Variants in PLEKHM2 observed in about 807,000 individuals in gnomAD.
PLEKHM2 encodes pleckstrin homology domain-containing family M member 2.
A neutral mutation model predicts 116.3 loss-of-function variants in PLEKHM2; 77 were observed. The ratio of observed to expected loss-of-function variants is 0.66; its 90% confidence interval spans 0.55 to 0.80. The LOEUF is 0.80. Ranked by LOEUF, PLEKHM2 falls within the 30% of genes least tolerant of loss-of-function variation. The probability of loss-of-function intolerance (pLI) is 0.00; values close to 1 mark genes in which losing one functional copy is unlikely to be tolerated. For synonymous variants in PLEKHM2, 562 were observed against 571.0 expected (o/e 0.98, Z 0.22); for missense variants, 1,183 against 1,354.9 (o/e 0.87, Z 1.99).
chr1:15,717,530 G>A (rs1447356983), intron 3 of PLEKHM2, among the ~76,000 whole-genome samples: 1 of 152,220 alleles, frequency 6.6e-6, no homozygotes, highest in Non-Finnish European at 1.5e-5. Flanking sequence ...GAAAGAGGGC[G>A]AGCTGCCAGC....
rs1249746368 is a variant in PLEKHM2, at chr1:15,698,541, C to CTTT, written c.60+13924_60+13926dup. ...TGTTTTTCTTTCTTTTTCTTTCTTT[C>CTTT]TTTCTTTCTTTTTTTTTTTTTTTTT... On this transcript the variant is annotated intron_variant, in intron 1 of 19. Coordinates refer to ENST00000375799, the MANE Select transcript of PLEKHM2 (RefSeq NM_015164.4). Among the ~76,000 whole-genome samples, 786 of 138,690 alleles carry CTTT rather than the reference C, an allele frequency of 5.7e-3. 19 individuals are homozygous for CTTT. Among genetic ancestry groups the CTTT allele is most frequent in the African/African-American group, 0.022 (737 of 34,054 alleles). 91.0% of individuals were successfully genotyped at this position (138,690 alleles called of 152,430 possible).
chr1:15,725,069 A>T (rs1238132163), intron 7 of PLEKHM2, among the ~76,000 whole-genome samples: 1 of 152,156 alleles, frequency 6.6e-6, no homozygotes. Flanking sequence ...ACACAAACTC[A>T]GCCAAATTGT....
At position 15,730,730 on chromosome 1, in the gene PLEKHM2, C is replaced by A; in HGVS notation, c.2399+8C>A. The A allele has an allele frequency of 1.3e-6, 2 of 1,586,134 alleles. No individual in the cohort carries two copies. The highest frequency in any genetic ancestry group is 1.7e-6 in the Non-Finnish European group (2 of 1,166,600). ...GTGCTTCGTGGTGCTCAGGTGGGAG[C>A]CCTGGCAGCTCTAGGCCTGGGGCTT... On this transcript the variant is annotated splice_region_variant and intron_variant, in intron 15 of 19. Coordinates refer to ENST00000375799, the MANE Select transcript of PLEKHM2 (RefSeq NM_015164.4).
At position 15,732,437 on chromosome 1, in the gene PLEKHM2, T is replaced by G. The variant is rs372585673; in HGVS notation, c.2713T>G (p.Cys905Gly). 1 of 1,591,174 alleles carries G rather than the reference T, an allele frequency of 6.3e-7. No homozygotes were observed. The highest frequency in any genetic ancestry group is 8.6e-7 in the Non-Finnish European group (1 of 1,169,234). The change falls in exon 18 of 20, where the codon TGC (cysteine) becomes GGC (glycine). Residue 905 changes from cysteine to glycine, a missense_variant. Physicochemically the swap from Cys to Gly is radical, Grantham distance 159. Coordinates refer to ENST00000375799, the MANE Select transcript of PLEKHM2 (RefSeq NM_015164.4). ...CCGCCTCTTTACGTGCCATGAGGAT[T>G]GCCAGACCAGCTTCTTCCGCTCTTT... is the stretch of plus-strand genomic sequence containing the variant. ...DDRLFTCHEDCQTSFFRSLGT... is the reference protein window; with the variant it reads ...DDRLFTCHEDGQTSFFRSLGT...
chr1:15,686,641 C>G (rs575508061), intron 1 of PLEKHM2, among the ~76,000 whole-genome samples: 1 of 136,058 alleles, frequency 7.3e-6, no homozygotes, highest in South Asian at 2.2e-4. Flanking sequence ...CCACCACACC[C>G]GGCTAAATTT....
chr1:15,696,436 C>T (rs761311245), intron 1 of PLEKHM2, among the ~76,000 whole-genome samples: 9 of 152,154 alleles, frequency 5.9e-5, no homozygotes, highest in Admixed American at 2.6e-4. Context: ...CTGCAACCTC[C>T]GTCTCCTGGG....
intron 8 of PLEKHM2, 155 bp downstream of exon 8, chr1:15,725,700 G>C (rs1008179533): frequency 6.5e-6 from 4 of 613,888 alleles, no homozygotes; most frequent in Non-Finnish European, 1.1e-5. Flanking sequence ...GGTTCTTTGA[G>C]CAAGAGGAAG....
chr1:15,719,779 A>G lies in PLEKHM2; in HGVS notation c.511A>G (p.Lys171Glu). The change falls in exon 6 of 20, where the codon AAA becomes GAA. Residue 171 changes from lysine (K) to glutamate (E), a missense_variant. This residue lies in a region of PLEKHM2 where 217 missense variants were observed against 277.6 expected (regional missense o/e 0.78). Coordinates refer to ENST00000375799, the MANE Select transcript of PLEKHM2 (RefSeq NM_015164.4). This position sits in a 1 kb window ranked among gnomAD's most constrained non-coding sequence, Gnocchi z 4.1. ...GGCCCCCTACATGCCCGACTACTAC[A>G]AACCTCAGTACCTGCTGGACTTTGA... is the stretch of plus-strand genomic sequence containing the variant. ...DLAPYMPDYY[K>E]PQYLLDFEDR... is the part of the protein sequence containing the mutation. The G allele has an allele frequency of 6.2e-7, 1 of 1,613,572 alleles. No individual in the cohort carries two copies. Among genetic ancestry groups the G allele is most frequent in the Non-Finnish European group, 8.5e-7 (1 of 1,179,676 alleles).
chr1:15,705,650 C>T (rs1287502339), intron 1 of PLEKHM2, among the ~76,000 whole-genome samples: 1 of 152,166 alleles, frequency 6.6e-6, no homozygotes, highest in Non-Finnish European at 1.5e-5. Context: ...TGCGGCTCTG[C>T]CTTCAGACCC....
In PLEKHM2 at chr1:15,727,279, A is replaced by G. The variant is rs1271733757; in HGVS notation, c.1207A>G (p.Met403Val). 4 of 1,605,784 alleles carry G rather than the reference A, an allele frequency of 2.5e-6. No homozygotes were observed. The highest frequency in any genetic ancestry group is 2.2e-5 in the East Asian group (1 of 44,610). ...LLIPEMKDTS[M>V]ERLGQPLSKV... ...GATCCCTGAGATGAAGGACACCTCC[A>G]TGGAGCGCTTGGGGCAGCCCCTGAG... The change falls in exon 9 of 20, where the codon ATG becomes GTG. Residue 403 changes from methionine to valine, a missense_variant. Coordinates refer to ENST00000375799, the MANE Select transcript of PLEKHM2 (RefSeq NM_015164.4). The surrounding 1 kb of genome is among the most constrained non-coding windows in gnomAD (Gnocchi z 7.5).
chr1:15,695,822 G>A (rs1362640881), intron 1 of PLEKHM2, among the ~76,000 whole-genome samples: 2 of 151,916 alleles, frequency 1.3e-5, no homozygotes, highest in Non-Finnish European at 2.9e-5. Context: ...TGTTTTTTGA[G>A]ACAGGGTCTT....
intron 1 of PLEKHM2, among the ~76,000 whole-genome samples, chr1:15,712,118 CAAA>C (rs1005404755): frequency 7.7e-5 from 4 of 51,678 alleles, no homozygotes; most frequent in East Asian, 7.4e-4. Context: ...GATTCAGTCT[CAAA>C]AAAAAAAAAA....
intron 19 of PLEKHM2, 128 bp from the exon 20 acceptor site, chr1:15,733,669 A>G: frequency 1.0e-6 from 1 of 986,380 alleles, no homozygotes; most frequent in Non-Finnish European, 1.5e-6. Flanking sequence ...AGATGTTCCC[A>G]GGGAGAGATG....
upstream of PLEKHM2, chr1:15,684,209 GC>G (rs1175631153): frequency 1.3e-5 from 2 of 152,002 alleles, no homozygotes; most frequent in African/African-American, 4.9e-5. Context: ...TCTGGGGAGG[GC>G]CGCGGCCAAG....
At chr1:15,682,719 G>C (rs1640674445), upstream of PLEKHM2, among the ~76,000 whole-genome samples, 1 of 152,054 alleles carries the variant, frequency 6.6e-6, no homozygotes. Context: ...GCGACCTTTG[G>C]AGGCTTGTGG....
intron 6 of PLEKHM2, chr1:15,720,389 C>G (rs1344859420): frequency 2.0e-6 from 2 of 985,096 alleles, no homozygotes; most frequent in African/African-American, 3.5e-5. Flanking sequence ...GCCACTGTGT[C>G]CTGTGTGTCC....
chr1:15,688,093 G>A (rs1237352650), intron 1 of PLEKHM2, among the ~76,000 whole-genome samples: 2 of 152,172 alleles, frequency 1.3e-5, no homozygotes, highest in South Asian at 2.1e-4. Flanking sequence ...CCAAGAAACA[G>A]AACATGACCA....
intron 1 of PLEKHM2, among the ~76,000 whole-genome samples, chr1:15,695,684 G>C (rs543542736): frequency 2.0e-5 from 3 of 152,130 alleles, no homozygotes; most frequent in Non-Finnish European, 2.9e-5. Context: ...GCTAATTTTT[G>C]TATTTTTAGT....
rs2148362960 is a variant in PLEKHM2, at chr1:15,721,276, A to G, written c.653-53A>G. The G allele has an allele frequency of 9.3e-7, 1 of 1,073,320 alleles. No homozygotes were observed. Among genetic ancestry groups the G allele is most frequent in the Non-Finnish European group, 1.4e-6 (1 of 721,352 alleles). 66.5% of individuals were successfully genotyped at this position (1,073,320 alleles called of 1,614,324 possible). On this transcript the variant is annotated intron_variant, in intron 6 of 19. Coordinates refer to ENST00000375799, the MANE Select transcript of PLEKHM2 (RefSeq NM_015164.4). This position sits in a 1 kb window ranked among gnomAD's most constrained non-coding sequence, Gnocchi z 5.1. The stretch of plus-strand genomic sequence containing the variant: ...CATTTCCCCTCCCCTCCCTCCAGTC[A>G]TCCTTCCACTGCCTGTGTTTCTAAT...
Sources: allele counts gnomAD v4.1 joint callset (sites outside exome capture counted in the v4.1 genomes callset), GRCh38; gene constraint gnomAD v4.1.1; regional missense constraint gnomAD v4.1.1; non-coding constraint Gnocchi (gnomAD v3.1); transcripts MANE v1.5; gene names NCBI Gene and HGNC (gene_info 2026-07-23, HGNC 2026-07-21).